Variants in FCHO2 observed in about 807,000 individuals in gnomAD.
The protein encoded by FCHO2 is FCH and mu domain containing endocytic adaptor 2, also known as F-BAR domain only protein 2.
Under a neutral mutation model 114.1 loss-of-function variants are expected in FCHO2, and 43 were observed. The observed-to-expected ratio is 0.38, with a 90% confidence interval of 0.30 to 0.49. The LOEUF (loss-of-function observed/expected upper bound fraction) is 0.49, where lower values mean the gene tolerates loss of function less well. Among genes scored for constraint, FCHO2 ranks in the 20% least tolerant of loss-of-function variants. The probability of loss-of-function intolerance (pLI) is 0.97; values close to 1 mark genes in which losing one functional copy is unlikely to be tolerated. For missense variants in FCHO2, 807 were observed against 950.4 expected, an observed-to-expected ratio of 0.85 and a Z score of 1.98; for synonymous variants, 293 against 315.2, an observed-to-expected ratio of 0.93 and a Z score of 0.75.
In FCHO2 at chr5:73,044,191, T is replaced by C. The variant is rs1250263905; in HGVS notation, c.939+2876T>C. On this transcript the variant is annotated intron_variant, in intron 11 of 25. Transcript: ENST00000430046. ...ATGCTTCCTGTACAGCCTGTAGAAC[T>C]GTGAACCGATTAAACTTCTTTTCTT... 2.6e-5 allele frequency among the ~76,000 whole-genome samples: 4 copies of C among 152,330 alleles called. No homozygotes were observed. In the East Asian group the frequency reaches 7.7e-4, roughly 29 times the overall value.
At chr5:73,050,281 G>C (rs1757279794) in intron 11 of FCHO2, among the ~76,000 whole-genome samples, 1 of 148,798 alleles carries the variant, frequency 6.7e-6, no homozygotes, top group Admixed American at 6.7e-5. Flanking sequence ...CTCCCTCTCT[G>C]TTTAGCTTTC....
At chr5:72,956,273 C>T in intron 1 of FCHO2, 144 bp downstream of exon 1, 2 of 1,134,236 alleles carry the variant, frequency 1.8e-6, no homozygotes, top group East Asian at 3.1e-5. Flanking sequence ...GGGTGAGGTC[C>T]GGCGGGCGAC....
At chr5:73,037,099 C>T (rs759383831) in intron 9 of FCHO2, 44 bp from the exon 10 acceptor site, 2 of 1,323,528 alleles carry the variant, frequency 1.5e-6, no homozygotes, top group East Asian at 5.0e-5. Flanking sequence ...ATATGTTTAT[C>T]AGGAATGTTT....
At chr5:73,000,335 G>A (rs1283037900) in intron 5 of FCHO2, among the ~76,000 whole-genome samples, 1 of 152,060 alleles carries the variant, frequency 6.6e-6, no homozygotes, top group Non-Finnish European at 1.5e-5. Flanking sequence ...GCCGAGTATG[G>A]TGGTGTGTGC....
chr5:73,081,927 G>C lies in FCHO2; in HGVS notation c.2125G>C (p.Val709Leu). ...TAGTGTGCTTTCCAACATACAGGTGGTGGTACCAGTGGATGGAGGAGTAAC... is the reference window on the plus strand; with the variant it reads ...TAGTGTGCTTTCCAACATACAGGTGCTGGTACCAGTGGATGGAGGAGTAAC... ...APSVLSNIQV[V>L]VPVDGGVTNM... Residue 709 changes from valine to leucine, a missense_variant, in exon 23 of 26, where the codon GTG (valine) becomes CTG (leucine). Physicochemically the swap from Val to Leu is conservative, Grantham distance 32 (BLOSUM62 1). Transcript: ENST00000430046. 1.3e-5 allele frequency: 21 copies of C among 1,608,732 alleles called. No homozygotes were observed. The highest frequency in any genetic ancestry group is 1.8e-5 in the Non-Finnish European group (21 of 1,177,096).
intron 5 of FCHO2, among the ~76,000 whole-genome samples, chr5:73,000,042 GT>G (rs1379440104): frequency 1.3e-5 from 2 of 152,102 alleles, no homozygotes; most frequent in Non-Finnish European, 2.9e-5. Context: ...TTCTCCCTCT[GT>G]TTTCCAGGCT....
intron 8 of FCHO2, among the ~76,000 whole-genome samples, chr5:73,019,465 C>T (rs370916800): frequency 1.1e-3 from 173 of 152,170 alleles, no homozygotes; most frequent in African/African-American, 4.0e-3. Flanking sequence ...TTGCTTGAAC[C>T]CAGAGGCGGA....
Position 73,082,834 on chromosome 5 carries a change from G to A in FCHO2, c.2245+9G>A, listed in dbSNP as rs760180244. The A allele has an allele frequency of 7.0e-6, 11 of 1,571,402 alleles. No homozygotes were observed. The South Asian group carries it at 1.2e-4, about 17-fold the overall frequency. Reference sequence around the variant, plus strand: ...AAAATCAGAAAATGGAGGTAAGTGTGTGTGTCCTTTTTTATTTATAAAATG... The same window carrying A: ...AAAATCAGAAAATGGAGGTAAGTGTATGTGTCCTTTTTTATTTATAAAATG... On this transcript the variant is annotated intron_variant, in intron 24 of 25. Coordinates refer to ENST00000430046, the MANE Select transcript of FCHO2 (RefSeq NM_138782.3).
At chr5:73,054,290 G>A in intron 14 of FCHO2, 119 bp downstream of exon 14, 1 of 975,790 alleles carries the variant, frequency 1.0e-6, no homozygotes. Context: ...GTGTTTTGTT[G>A]TAGATGTTGC....
chr5:73,050,207 T>C (rs1462298215), intron 11 of FCHO2, among the ~76,000 whole-genome samples: 1 of 152,156 alleles, frequency 6.6e-6, no homozygotes, highest in Non-Finnish European at 1.5e-5. Context: ...CATTTTATTA[T>C]GCTTTGTTTG....
chr5:73,085,241 C>T (rs953454813), intron 24 of FCHO2, among the ~76,000 whole-genome samples: 1 of 151,906 alleles, frequency 6.6e-6, no homozygotes, highest in African/African-American at 2.4e-5. Context: ...GTCAGCTACT[C>T]GGGAGGCTGA....
intron 19 of FCHO2, among the ~76,000 whole-genome samples, chr5:73,073,044 C>T (rs970432426): frequency 6.6e-6 from 1 of 152,010 alleles, no homozygotes; most frequent in Admixed American, 6.6e-5. Flanking sequence ...GTTAGATTTA[C>T]AGTGAAGTTT....
chr5:73,083,245 T>C (rs958807530), intron 24 of FCHO2, among the ~76,000 whole-genome samples: 1 of 152,112 alleles, frequency 6.6e-6, no homozygotes, highest in Non-Finnish European at 1.5e-5. Context: ...TATGTAAAGT[T>C]TCCTCCTGGA....
chr5:73,023,414 G>A (rs1314718230), intron 8 of FCHO2, among the ~76,000 whole-genome samples: 2 of 152,104 alleles, frequency 1.3e-5, no homozygotes, highest in African/African-American at 4.8e-5. Context: ...AATTAATGTA[G>A]TCCAAGGCTG....
intron 19 of FCHO2, among the ~76,000 whole-genome samples, chr5:73,074,248 T>C (rs1348925686): frequency 6.6e-6 from 1 of 151,698 alleles, no homozygotes; most frequent in African/African-American, 2.4e-5. Flanking sequence ...CAAAGTAATG[T>C]GGGAATACAA....
intron 22 of FCHO2, 139 bp from the exon 23 acceptor site, chr5:73,081,644 T>C (rs1743094391): frequency 3.8e-6 from 2 of 523,022 alleles, no homozygotes; most frequent in South Asian, 4.7e-5. Context: ...GAGATAGGTC[T>C]GCTTCACTCT....
intron 18 of FCHO2, 66 bp downstream of exon 18, chr5:73,064,010 T>C: frequency 7.1e-7 from 1 of 1,404,312 alleles, no homozygotes; most frequent in Non-Finnish European, 9.8e-7. Context: ...GCTATTTTTC[T>C]ATATGCCCTT....
intron 1 of FCHO2, among the ~76,000 whole-genome samples, chr5:72,962,089 T>G (rs921109818): frequency 6.6e-6 from 1 of 152,188 alleles, no homozygotes; most frequent in Non-Finnish European, 1.5e-5. Context: ...ATTATAAAAT[T>G]ATAGTGTTTT....
intron 5 of FCHO2, chr5:72,997,460 A>G: frequency 1.3e-6 from 2 of 1,589,476 alleles, no homozygotes; most frequent in Non-Finnish European, 1.7e-6. Context: ...CAGCATTGTG[A>G]TCCTGGCTAA....
Sources: gnomAD v4.1 joint callset for allele counts (sites outside exome capture counted in the v4.1 genomes callset) on GRCh38, gnomAD v4.1.1 for gene constraint, MANE v1.5 for transcripts, NCBI Gene and HGNC (gene_info 2026-07-23, HGNC 2026-07-21) for gene names.